Variants in ACER3 observed in about 807,000 individuals in gnomAD.
The protein encoded by ACER3 is alkaline ceramidase 3, also known as alkCDase 3.
A neutral mutation model predicts 48.9 loss-of-function variants in ACER3; 16 were observed. That is an observed-to-expected ratio of 0.33 (90% CI 0.22 to 0.50). The LOEUF (loss-of-function observed/expected upper bound fraction) is 0.50, where lower values mean the gene tolerates loss of function less well. Ranked by LOEUF, ACER3 falls within the 20% of genes least tolerant of loss-of-function variation. The probability of loss-of-function intolerance (pLI) is 0.98; values close to 1 mark genes in which losing one functional copy is unlikely to be tolerated. For synonymous variants in ACER3, 109 were observed against 107.8 expected (o/e 1.01, Z -0.07); for missense variants, 227 against 326.0 (o/e 0.70, Z 2.34).
At chr11:77,002,513 G>T (rs996292396) in intron 7 of ACER3, among the ~76,000 whole-genome samples, 1 of 151,912 alleles carries the variant, frequency 6.6e-6, no homozygotes, top group African/African-American at 2.4e-5. Context: ...TTTTGTTAAG[G>T]ATTTTTGTAT....
chr11:76,986,056 A>G (rs1266437073), intron 5 of ACER3, among the ~76,000 whole-genome samples: 5 of 152,246 alleles, frequency 3.3e-5, no homozygotes. Context: ...GCTCTGCTCC[A>G]TTGGTCCAAA....
intron 3 of ACER3, among the ~76,000 whole-genome samples, chr11:76,973,186 C>A (rs879922012): frequency 2.0e-5 from 3 of 152,150 alleles, no homozygotes; most frequent in Admixed American, 2.0e-4. Flanking sequence ...TGAAGTTGAC[C>A]CCTTGATTTC....
chr11:76,957,866 A>T (rs185128180), intron 2 of ACER3, among the ~76,000 whole-genome samples: 5 of 152,300 alleles, frequency 3.3e-5, no homozygotes, highest in Admixed American at 2.0e-4. Flanking sequence ...CATTTTATAA[A>T]ACGCTAAAAT....
intron 1 of ACER3, among the ~76,000 whole-genome samples, chr11:76,865,288 A>G (rs1353643538): frequency 6.6e-6 from 1 of 151,158 alleles, no homozygotes; most frequent in Non-Finnish European, 1.5e-5. Flanking sequence ...CCCAGCCGGG[A>G]TGAGTACTAT....
chr11:76,991,683 G>T (rs1948804974), intron 6 of ACER3, among the ~76,000 whole-genome samples: 1 of 151,912 alleles, frequency 6.6e-6, no homozygotes, highest in African/African-American at 2.4e-5. Context: ...GGGCATGGTG[G>T]CGTGCACCTG....
At chr11:77,010,333 G>C (rs1949237088) in intron 7 of ACER3, among the ~76,000 whole-genome samples, 2 of 151,122 alleles carry the variant, frequency 1.3e-5, no homozygotes, top group African/African-American at 4.9e-5. Flanking sequence ...GGGCAACAAA[G>C]CAAGACTTTC....
In ACER3 at chr11:76,976,421, A is replaced by AT. The variant is rs932236252; in HGVS notation, c.320+83dup. 1.2e-5 allele frequency: 9 copies of AT among 739,566 alleles called. No homozygotes were observed. The Admixed American group carries it at 2.3e-4, about 19-fold the overall frequency. The allele number at this position is 739,566 out of a possible 1,614,324, so 45.8% of individuals were successfully genotyped here. On this transcript the variant is annotated intron_variant, in intron 4 of 10. Coordinates refer to ENST00000532485, the MANE Select transcript of ACER3 (RefSeq NM_018367.7). ...CATAGTGGATTAATATAACTGATAC[A>AT]TTTATATTACTAGGATATTTTAATA...
chr11:76,982,035 C>T (rs1948595452), intron 4 of ACER3, among the ~76,000 whole-genome samples: 1 of 151,990 alleles, frequency 6.6e-6, no homozygotes, highest in Admixed American at 6.6e-5. Flanking sequence ...CATATACTTG[C>T]CAAGACTTGG....
intron 1 of ACER3, among the ~76,000 whole-genome samples, chr11:76,907,861 A>T (rs1319918906): frequency 6.6e-6 from 1 of 152,084 alleles, no homozygotes; most frequent in Admixed American, 6.5e-5. Flanking sequence ...ACACAGTGAG[A>T]TCCTGTCTCA....
intron 2 of ACER3, among the ~76,000 whole-genome samples, chr11:76,934,575 C>T (rs1013960034): frequency 6.6e-6 from 1 of 152,222 alleles, no homozygotes; most frequent in Non-Finnish European, 1.5e-5. Flanking sequence ...ATCGCAGGCA[C>T]TCGGCAGGCT....
chr11:77,000,431 A>G (rs1555019544), intron 7 of ACER3, among the ~76,000 whole-genome samples: 1 of 152,158 alleles, frequency 6.6e-6, no homozygotes, highest in African/African-American at 2.4e-5. Flanking sequence ...AATGAGGTCA[A>G]ATTTATCAGT....
intron 1 of ACER3, among the ~76,000 whole-genome samples, chr11:76,886,487 A>C (rs997041718): frequency 6.6e-6 from 1 of 152,156 alleles, no homozygotes; most frequent in Non-Finnish European, 1.5e-5. Context: ...CACTTAGGAG[A>C]TACGTTAGCA....
chr11:77,012,220 C>G (rs1555022311), intron 7 of ACER3, among the ~76,000 whole-genome samples: 1 of 151,916 alleles, frequency 6.6e-6, no homozygotes, highest in Non-Finnish European at 1.5e-5. Context: ...GAGATCGAGA[C>G]CATCCTGGCC....
At position 76,944,624 on chromosome 11, in the gene ACER3, A is replaced by G. The variant is rs569989013; in HGVS notation, c.215-14355A>G. ...ATTGACTAGATGCTTTTCTCTTACT[A>G]ATTTTAAAATTCTTTCTTTTACTTT... On this transcript the variant is annotated intron_variant, in intron 2 of 10. Transcript: ENST00000532485. Among the ~76,000 whole-genome samples, 24 of 152,172 alleles carry G rather than the reference A, an allele frequency of 1.6e-4. No homozygotes were observed. The South Asian group carries it at 5.0e-3, about 32-fold the overall frequency.
intron 3 of ACER3, among the ~76,000 whole-genome samples, chr11:76,972,546 CT>C (rs1348176537): frequency 6.6e-6 from 1 of 151,340 alleles, no homozygotes; most frequent in Admixed American, 6.6e-5. Context: ...TTTCTTTTCA[CT>C]TTCTTTTTTT....
intron 8 of ACER3, among the ~76,000 whole-genome samples, chr11:77,016,378 A>G (rs1363389956): frequency 3.9e-5 from 6 of 152,180 alleles, no homozygotes; most frequent in African/African-American, 1.4e-4. Context: ...CATATTTTAG[A>G]AATACATACT....
intron 1 of ACER3, among the ~76,000 whole-genome samples, chr11:76,877,127 A>T (rs1565154803): frequency 6.6e-6 from 1 of 152,178 alleles, no homozygotes; most frequent in East Asian, 1.9e-4. Flanking sequence ...GCATCATTTT[A>T]TTTATACCTG....
intron 7 of ACER3, among the ~76,000 whole-genome samples, chr11:77,012,428 A>AG: frequency 6.6e-6 from 1 of 151,304 alleles, no homozygotes; most frequent in East Asian, 1.9e-4. Flanking sequence ...AAAAAAAAAA[A>AG]AAAAAAAAAA....
intron 2 of ACER3, among the ~76,000 whole-genome samples, chr11:76,934,503 C>G (rs925924986): frequency 2.6e-5 from 4 of 152,262 alleles, no homozygotes; most frequent in African/African-American, 9.6e-5. Context: ...CCGGCCAACG[C>G]AGCGAAACCC....
Sources: gnomAD v4.1 joint callset for allele counts (sites outside exome capture counted in the v4.1 genomes callset) on GRCh38, gnomAD v4.1.1 for gene constraint, MANE v1.5 for transcripts, NCBI Gene and HGNC (gene_info 2026-07-23, HGNC 2026-07-21) for gene names.